Variants in ALK observed in about 807,000 individuals in gnomAD.
The protein encoded by ALK is ALK tyrosine kinase receptor.
In ALK, 74 loss-of-function variants were observed where a neutral mutation model predicts 163.1. The ratio of observed to expected loss-of-function variants is 0.45; its 90% CI spans 0.38 to 0.55. ALK has a LOEUF of 0.55. ALK is among the 20% of genes least tolerant of loss of function. ALK has a pLI of 0.00. For synonymous variants in ALK, 960 were observed against 843.2 expected (o/e 1.14, Z -2.40); for missense variants, 2,063 against 2,105.3 (o/e 0.98, Z 0.39).
intron 3 of ALK, among the ~76,000 whole-genome samples, chr2:29,641,960 T>C (rs1676715954): frequency 6.6e-6 from 1 of 152,190 alleles, no homozygotes; most frequent in Non-Finnish European, 1.5e-5. Flanking sequence ...GCTAGGAAAC[T>C]TATCAAAAAT....
At chr2:29,567,808 A>T (rs1327139687) in intron 3 of ALK, among the ~76,000 whole-genome samples, 1 of 152,144 alleles carries the variant, frequency 6.6e-6, no homozygotes, top group Non-Finnish European at 1.5e-5. Context: ...CTAAGAAAGC[A>T]TTTTCCTGAT....
chr2:29,531,994 C>T lies in ALK; in HGVS notation c.1075G>A (p.Gly359Arg). ...GGCAGCAGCTGGGCAATGTACCTTC[C>T]AGAGGGCTGCAGGTGCCTGTGCACC... ...VSVHRHLQPS[G>R]RYIAQLLPHN... The change falls in exon 4 of 29, where the codon GGA becomes AGA. Residue 359 changes from glycine to arginine, a missense_variant. Coordinates refer to ENST00000389048, the MANE Select transcript of ALK (RefSeq NM_004304.5). 2 of 1,614,158 alleles carry T rather than the reference C, an allele frequency of 1.2e-6. No individual in the cohort carries two copies. The highest frequency in any genetic ancestry group is 1.7e-6 in the Non-Finnish European group (2 of 1,180,020).
intron 11 of ALK, among the ~76,000 whole-genome samples, chr2:29,267,099 T>C (rs1050739243): frequency 2.6e-5 from 4 of 151,886 alleles, no homozygotes; most frequent in Non-Finnish European, 5.9e-5. Context: ...TCTCTCTCTC[T>C]CCCCACCCCA....
At chr2:29,328,905 C>A (rs1346911151) in intron 5 of ALK, among the ~76,000 whole-genome samples, 1 of 152,146 alleles carries the variant, frequency 6.6e-6, no homozygotes, top group Admixed American at 6.5e-5. Context: ...AGTGCATGTC[C>A]CCCATGTTCT....
chr2:29,769,136 A>T (rs74261452), intron 1 of ALK, among the ~76,000 whole-genome samples: 1 of 151,960 alleles, frequency 6.6e-6, no homozygotes, highest in African/African-American at 2.4e-5. Context: ...ATCTGGCTAA[A>T]TTTTTTCTTC....
chr2:29,198,822 T>C (rs57631282), intron 26 of ALK, among the ~76,000 whole-genome samples: 5,592 of 152,316 alleles, frequency 0.037, 327 homozygotes, highest in African/African-American at 0.13. Context: ...CACTTTTTTT[T>C]CCTATGAATT....
At chr2:29,900,570 G>A (rs1288786129) in intron 1 of ALK, among the ~76,000 whole-genome samples, 4 of 152,200 alleles carry the variant, frequency 2.6e-5, no homozygotes, top group Non-Finnish European at 5.9e-5. Context: ...GGCACCCACT[G>A]TGGTGCCTTG....
chr2:29,561,455 G>A (rs1674021215), intron 3 of ALK, among the ~76,000 whole-genome samples: 1 of 152,218 alleles, frequency 6.6e-6, no homozygotes, highest in Admixed American at 6.5e-5. Context: ...GGAGGAAGCT[G>A]CTGGCCTTTT....
chr2:29,687,715 A>G (rs1447662908), intron 3 of ALK, among the ~76,000 whole-genome samples: 2 of 152,128 alleles, frequency 1.3e-5, no homozygotes, highest in Non-Finnish European at 2.9e-5. Flanking sequence ...TTATGTACAT[A>G]GTTCTTTTTT....
At chr2:29,851,873 T>C (rs865834072) in intron 1 of ALK, among the ~76,000 whole-genome samples, 1 of 152,230 alleles carries the variant, frequency 6.6e-6, no homozygotes, top group Non-Finnish European at 1.5e-5. Context: ...AGGCATAGAC[T>C]GCTCCTTCTT....
At chr2:29,645,393 A>G (rs7608034) in intron 3 of ALK, among the ~76,000 whole-genome samples, 15,373 of 152,192 alleles carry the variant, frequency 0.1, 1,657 homozygotes, top group African/African-American at 0.27. Flanking sequence ...CTTCTTTCAT[A>G]TAAGACCCAA....
rs1232714689 is a variant in ALK at position 29,251,287 on chromosome 2, GCAGT to G, written c.2042-24_2042-21del. Reference sequence around the variant, plus strand: ...AATGAACTGTGGCACAAGAGGAGAGGCAGTCACTCATGTGGCCAGGCCCTCCCTC... The same window carrying G: ...AATGAACTGTGGCACAAGAGGAGAGGCACTCATGTGGCCAGGCCCTCCCTC... On this transcript the variant is annotated intron_variant, in intron 11 of 28. Coordinates refer to ENST00000389048, the MANE Select transcript of ALK (RefSeq NM_004304.5). 1 of 1,610,396 alleles carries G rather than the reference GCAGT, an allele frequency of 6.2e-7. No homozygotes were observed. Among genetic ancestry groups the G allele is most frequent in the East Asian group, 2.2e-5 (1 of 44,782 alleles).
At chr2:29,919,482 A>G (rs1371318684) in intron 1 of ALK, among the ~76,000 whole-genome samples, 1 of 152,126 alleles carries the variant, frequency 6.6e-6, no homozygotes, top group Admixed American at 6.5e-5. Context: ...CCCTGGCAAT[A>G]CCTGCCCAAG....
At chr2:29,860,384 G>T (rs1362083835) in intron 1 of ALK, among the ~76,000 whole-genome samples, 1 of 112,060 alleles carries the variant, frequency 8.9e-6, no homozygotes, top group South Asian at 3.5e-4. Context: ...ATTAGTTAAG[G>T]AAAGGGAGAA....
At position 29,432,108 on chromosome 2, in the gene ALK, G is replaced by A. The variant is rs145672199; in HGVS notation, c.1155-48249C>T. Among the ~76,000 whole-genome samples the A allele has an allele frequency of 3.9e-3, 599 of 152,188 alleles. 4 individuals are homozygous for A. The highest frequency in any genetic ancestry group is 0.014 in the African/African-American group (572 of 41,530). The stretch of plus-strand genomic sequence containing the variant: ...CTAGGTTACAGGTAGGCCTCTCTCT[G>A]ATAACTATTTCTTGGATATCAGAAA... On this transcript the variant is annotated intron_variant, in intron 4 of 28. Coordinates refer to ENST00000389048, the MANE Select transcript of ALK (RefSeq NM_004304.5).
intron 3 of ALK, among the ~76,000 whole-genome samples, chr2:29,691,171 A>T (rs935900819): frequency 2.6e-4 from 39 of 152,218 alleles, no homozygotes; most frequent in African/African-American, 9.4e-4. Context: ...AAAAGTGATG[A>T]GAGACGCACT....
intron 1 of ALK, among the ~76,000 whole-genome samples, chr2:29,875,973 G>A (rs75112515): frequency 0.051 from 7,775 of 152,180 alleles, 613 homozygotes; most frequent in African/African-American, 0.17. Flanking sequence ...GTCAAATGGT[G>A]TTTCTGGTTT....
intron 4 of ALK, among the ~76,000 whole-genome samples, chr2:29,392,284 G>C (rs1265139260): frequency 6.6e-6 from 1 of 152,206 alleles, no homozygotes; most frequent in Non-Finnish European, 1.5e-5. Context: ...AGCTGACACA[G>C]CTGGTTCATG....
At chr2:29,225,121 G>A (rs958163529) in intron 19 of ALK, among the ~76,000 whole-genome samples, 1 of 152,202 alleles carries the variant, frequency 6.6e-6, no homozygotes, top group African/African-American at 2.4e-5. Context: ...CTGCGCCGGT[G>A]GAAGCATGTG....
Sources: allele counts gnomAD v4.1 joint callset (sites outside exome capture counted in the v4.1 genomes callset), GRCh38; gene constraint gnomAD v4.1.1; transcripts MANE v1.5; gene names NCBI Gene and HGNC (gene_info 2026-07-23, HGNC 2026-07-21).